The following ESPN variants were observed in gnomAD, a reference collection of about 807,000 sequenced individuals.
ESPN encodes espin, also known as autosomal recessive deafness type 36 protein.
Under a neutral mutation model 77.7 loss-of-function variants are expected in ESPN, and 68 were observed. That is an observed-to-expected ratio of 0.87 (90% CI 0.72 to 1.07). The LOEUF is 1.07. Ranked by LOEUF, ESPN falls within the 50% of genes least tolerant of loss-of-function variation. ESPN has a pLI of 0.00. For synonymous variants in ESPN, 449 were observed against 567.1 expected, an observed-to-expected ratio of 0.79 and a Z score of 2.96; for missense variants, 1,060 against 1,239.0, an observed-to-expected ratio of 0.86 and a Z score of 2.17.
chr1:6,454,657 C>T lies in ESPN; in HGVS notation c.2326-2527C>T, dbSNP rs1644016893. 6 of 398,892 alleles carry T rather than the reference C, an allele frequency of 1.5e-5. No homozygotes were observed. In the South Asian group the frequency reaches 6.4e-4, roughly 42 times the overall value. 24.7% of individuals were successfully genotyped at this position (398,892 alleles called of 1,614,324 possible). Reference sequence around the variant, plus strand: ...GAGCAGCTGCTGCCCATCTCGGCCGCCCTGTCGGCGCCGCGCTTCACCGTC... The same window carrying T: ...GAGCAGCTGCTGCCCATCTCGGCCGTCCTGTCGGCGCCGCGCTTCACCGTC... On this transcript the variant is annotated intron_variant, in intron 10 of 12. Coordinates refer to ENST00000645284, the MANE Select transcript of ESPN (RefSeq NM_031475.3).
Position 6,451,038 on chromosome 1 carries a change from G to A in ESPN, c.1916-565G>A, listed in dbSNP as rs527311771. On this transcript the variant is annotated intron_variant, in intron 8 of 12. Transcript: ENST00000645284. The surrounding 1 kb of genome is among the most constrained non-coding windows in gnomAD (Gnocchi z 4.3). ...CATGCTTTGCCATAAAGGTGCTCCCGGCTTGCAACCAATGTGTCTGCTTGT... is the reference window on the plus strand; with the variant it reads ...CATGCTTTGCCATAAAGGTGCTCCCAGCTTGCAACCAATGTGTCTGCTTGT... 7.2e-5 allele frequency among the ~76,000 whole-genome samples: 11 copies of A among 152,308 alleles called. No individual in the cohort carries two copies. The highest frequency in any genetic ancestry group is 4.1e-4 in the South Asian group (2 of 4,820).
intron 8 of ESPN, among the ~76,000 whole-genome samples, chr1:6,449,653 G>A (rs372385959): frequency 1.3e-5 from 2 of 152,200 alleles, no homozygotes; most frequent in African/African-American, 4.8e-5. Context: ...TTCTGCCAGG[G>A]GCCCTGGGCC....
At chr1:6,426,624 C>T (rs1481392720) in intron 1 of ESPN, among the ~76,000 whole-genome samples, 4 of 152,190 alleles carry the variant, frequency 2.6e-5, no homozygotes. Flanking sequence ...GCCCACAGGC[C>T]TGTGGCCCTC....
intron 10 of ESPN, among the ~76,000 whole-genome samples, chr1:6,453,378 T>C (rs1643987966): frequency 6.6e-6 from 1 of 152,240 alleles, no homozygotes; most frequent in Non-Finnish European, 1.5e-5. Flanking sequence ...CACAGCCAGC[T>C]GCAATGGGGA....
chr1:6,435,412 C>T (rs1474558174), intron 2 of ESPN, among the ~76,000 whole-genome samples: 3 of 152,360 alleles, frequency 2.0e-5, no homozygotes, highest in Non-Finnish European at 2.9e-5. Context: ...ACAGCCCACA[C>T]GGGCGACCCA....
chr1:6,458,995 C>T (rs922826677), intron 12 of ESPN, among the ~76,000 whole-genome samples: 16 of 151,094 alleles, frequency 1.1e-4, no homozygotes, highest in Non-Finnish European at 2.4e-4. Flanking sequence ...AATCCCAGCA[C>T]TTTGGGAGGC....
At chr1:6,457,442 C>A in intron 12 of ESPN, 70 bp downstream of exon 12, 1 of 1,601,372 alleles carries the variant, frequency 6.2e-7, no homozygotes, top group Non-Finnish European at 8.6e-7. Context: ...GTCCCTTCAT[C>A]CAGGCCAATT....
chr1:6,452,134 GCATCTGGATGCACAGCC>G (rs1217304201), intron 10 of ESPN, 38 bp downstream of exon 10: 40 of 1,509,732 alleles, frequency 2.6e-5, no homozygotes, highest in Non-Finnish European at 3.5e-5. Flanking sequence ...CCTGGGGTCT[GCATCTGGATGCACAGCC>G]CATCCCCCAC....
chr1:6,455,004 G>A (rs368644637), intron 10 of ESPN: 1 of 376,284 alleles, frequency 2.7e-6, no homozygotes, highest in Non-Finnish European at 4.7e-6. Context: ...CGCGGCGCCC[G>A]CGCGCTGTCC....
Position 6,424,930 on chromosome 1 carries a change from G to A in ESPN, c.-26G>A, listed in dbSNP as rs1252340131. On this transcript the variant is annotated 5_prime_UTR_variant, in exon 1 of 13. Coordinates refer to ENST00000645284, the MANE Select transcript of ESPN (RefSeq NM_031475.3). ...GCGTCCTGGGGAAGGCGCTGAGTGC[G>A]GAGTCGCGGCGCCGCACGCGGCACC... The A allele has an allele frequency of 2.8e-6, 4 of 1,436,014 alleles. No homozygotes were observed. The highest frequency in any genetic ancestry group is 3.1e-5 in the East Asian group (1 of 31,876). The allele number at this position is 1,436,014 out of a possible 1,614,324, so 89.0% of individuals were successfully genotyped here.
In ESPN at chr1:6,427,245, T is replaced by C. The variant is rs951342595; in HGVS notation, c.295-981T>C. On this transcript the variant is annotated intron_variant, in intron 1 of 12. Transcript: ENST00000645284. The surrounding 1 kb of genome is among the most constrained non-coding windows in gnomAD (Gnocchi z 4.6). ...GCACCCAGAACCCTGCCCACCCCTC[T>C]GTCATCCTATGTGCTTGGTGCTGGG... 3.9e-5 allele frequency among the ~76,000 whole-genome samples: 6 copies of C among 152,062 alleles called. No homozygotes were observed. Among genetic ancestry groups the C allele is most frequent in the Admixed American group, 3.9e-4 (6 of 15,272 alleles).
chr1:6,444,470 C>T lies in ESPN; in HGVS notation c.991-11C>T. 6.2e-7 allele frequency: 1 copy of T among 1,614,078 alleles called. No homozygotes were observed. Among genetic ancestry groups the T allele is most frequent in the Non-Finnish European group, 8.5e-7 (1 of 1,179,950 alleles). On this transcript the variant is annotated splice_polypyrimidine_tract_variant and intron_variant, in intron 5 of 12. Transcript: ENST00000645284. ...ATGGTTGTCTTCATGGCCTCCCTGC[C>T]TCCCCTTCAGAGCGTGGAGCACCGC... is the stretch of plus-strand genomic sequence containing the variant.
Position 6,424,907 on chromosome 1 carries a change from G to A in ESPN, c.-49G>A, listed in dbSNP as rs556298158. ...TGGCCCGCAAGAACACGTGCATGGCGTCCTGGGGAAGGCGCTGAGTGCGGA... is the reference window on the plus strand; with the variant it reads ...TGGCCCGCAAGAACACGTGCATGGCATCCTGGGGAAGGCGCTGAGTGCGGA... On this transcript the variant is annotated 5_prime_UTR_variant, in exon 1 of 13. Coordinates refer to ENST00000645284, the MANE Select transcript of ESPN (RefSeq NM_031475.3). 1,928 of 1,411,672 alleles carry A rather than the reference G, an allele frequency of 1.4e-3. 8 individuals carry two copies. The highest frequency in any genetic ancestry group is 1.1e-3 in the Non-Finnish European group (1,239 of 1,084,172). The allele number at this position is 1,411,672 out of a possible 1,614,324, so 87.4% of individuals were successfully genotyped here.
Position 6,444,562 on chromosome 1 carries a change from A to G in ESPN, c.1072A>G (p.Asn358Asp), listed in dbSNP as rs1643758616. 6.2e-7 allele frequency: 1 copy of G among 1,614,058 alleles called. No homozygotes were observed. The highest frequency in any genetic ancestry group is 1.3e-5 in the African/African-American group (1 of 74,924). Residue 358 changes from asparagine to aspartate, a missense_variant, in exon 6 of 13, where the codon AAT becomes GAT. Physicochemically the swap from Asn to Asp is conservative, Grantham distance 23 (BLOSUM62 1). Transcript: ENST00000645284. ...KQPDSGMSSP[N>D]TTVSVQPLNF... ...GCCGGATTCAGGCATGTCCTCACCC[A>G]ATACCACGGTGTCGGTCCAGCCGCT...
rs1467976686 is a variant in ESPN at position 6,447,262 on chromosome 1, C to G, written c.1464+1327C>G. The G allele has an allele frequency of 6.6e-6, 1 of 152,286 alleles. No homozygotes were observed. Among genetic ancestry groups the G allele is most frequent in the African/African-American group, 2.4e-5 (1 of 41,438 alleles). The allele number at this position is 152,286 out of a possible 1,614,324, so 9.4% of individuals were successfully genotyped here. A position where few individuals can be genotyped will look rare whatever the true frequency, so the allele number is the denominator to read the frequency against. ...CCATCTCGGCCGTGTGCGTGCTGGG[C>G]CGCAGGCGCCAGGGCCGGGGCCCGG... On this transcript the variant is annotated intron_variant, in intron 7 of 12. Transcript: ENST00000645284. This position sits in a 1 kb window ranked among gnomAD's most constrained non-coding sequence, Gnocchi z 5.2.
chr1:6,440,494 C>A, intron 3 of ESPN, 54 bp downstream of exon 3: 1 of 1,116,440 alleles, frequency 9.0e-7, no homozygotes, highest in Non-Finnish European at 1.1e-6. Context: ...GCCGGCAGGG[C>A]GGGGAGTGGA....
chr1:6,455,180 C>G (rs1644028882), intron 10 of ESPN: 2 of 388,492 alleles, frequency 5.1e-6, no homozygotes, highest in East Asian at 7.3e-5. Flanking sequence ...TACAGGATCG[C>G]CAGGCGGCGC....
At position 6,428,490 on chromosome 1, in the gene ESPN, C is replaced by A. The variant is rs1353195931; in HGVS notation, c.488+71C>A. On this transcript the variant is annotated intron_variant, in intron 2 of 12. Coordinates refer to ENST00000645284, the MANE Select transcript of ESPN (RefSeq NM_031475.3). This position sits in a 1 kb window ranked among gnomAD's most constrained non-coding sequence, Gnocchi z 5.4. ...GGCTTTGGGGGATGCCTGGGATTTT[C>A]CACGCCTCTCTGGCACTCCAGGGCA... 2.2e-6 allele frequency: 3 copies of A among 1,361,608 alleles called. No individual in the cohort carries two copies. In the Admixed American group the frequency reaches 6.1e-5, roughly 28 times the overall value. The allele number at this position is 1,361,608 out of a possible 1,614,324, so 84.3% of individuals were successfully genotyped here.
chr1:6,440,752 G>T lies in ESPN; in HGVS notation c.802G>T (p.Ala268Ser). 6.5e-7 allele frequency: 1 copy of T among 1,540,054 alleles called. No individual in the cohort carries two copies. The highest frequency in any genetic ancestry group is 1.2e-5 in the South Asian group (1 of 83,274). ...GCTGCTGCACGGCGGGGAGATCTCGGCTGACCTGTGGGGCGGGACCCCGCT... is the reference window on the plus strand; with the variant it reads ...GCTGCTGCACGGCGGGGAGATCTCGTCTGACCTGTGGGGCGGGACCCCGCT... ...WLLLHGGEIS[A>S]DLWGGTPLHD... The change falls in exon 4 of 13, where the codon GCT (alanine) becomes TCT (serine). Residue 268 changes from alanine to serine, a missense_variant. Coordinates refer to ENST00000645284, the MANE Select transcript of ESPN (RefSeq NM_031475.3).
Sources: gnomAD v4.1 joint callset for allele counts (sites outside exome capture counted in the v4.1 genomes callset) on GRCh38, gnomAD v4.1.1 for gene constraint, Gnocchi (gnomAD v3.1) non-coding constraint, MANE v1.5 for transcripts, NCBI Gene and HGNC (gene_info 2026-07-23, HGNC 2026-07-21) for gene names.